ADAMTS3: variants seen among roughly 807,000 people sequenced by gnomAD.
ADAMTS3 encodes the protein ADAM metallopeptidase with thrombospondin type 1 motif 3.
In ADAMTS3, 73 loss-of-function variants were observed where a neutral mutation model predicts 129.0. That is an observed-to-expected ratio of 0.57 (90% CI 0.47 to 0.69). ADAMTS3 has a LOEUF of 0.69. Ranked by LOEUF, ADAMTS3 falls within the 30% of genes least tolerant of loss-of-function variation. The probability of loss-of-function intolerance (pLI) is 0.00; values close to 1 mark genes in which losing one functional copy is unlikely to be tolerated. For missense variants in ADAMTS3, 1,457 were observed against 1,514.5 expected, an observed-to-expected ratio of 0.96 and a Z score of 0.63; for synonymous variants, 477 against 510.8, an observed-to-expected ratio of 0.93 and a Z score of 0.89.
chr4:72,426,218 T>C (rs1341951067), intron 3 of ADAMTS3, among the ~76,000 whole-genome samples: 2 of 152,194 alleles, frequency 1.3e-5, no homozygotes, highest in East Asian at 1.9e-4. Context: ...GAGTTCATTG[T>C]AGATTCTGGA....
intron 3 of ADAMTS3, among the ~76,000 whole-genome samples, chr4:72,455,495 G>C (rs183084125): frequency 1.3e-4 from 19 of 151,060 alleles, no homozygotes; most frequent in African/African-American, 4.4e-4. Flanking sequence ...CTATGGGAGC[G>C]ATAGCATTAG....
chr4:72,403,783 A>T (rs1721984488), intron 4 of ADAMTS3, among the ~76,000 whole-genome samples: 1 of 151,890 alleles, frequency 6.6e-6, no homozygotes, highest in Non-Finnish European at 1.5e-5. Context: ...CCTTGAACAC[A>T]TAGGGTTTCT....
chr4:72,480,950 T>A (rs902399962), intron 3 of ADAMTS3, among the ~76,000 whole-genome samples: 1 of 152,058 alleles, frequency 6.6e-6, no homozygotes, highest in Non-Finnish European at 1.5e-5. Flanking sequence ...AATGCAGTAC[T>A]ATTTACAACC....
intron 3 of ADAMTS3, among the ~76,000 whole-genome samples, chr4:72,543,155 CTT>C (rs1362045832): frequency 1.3e-5 from 2 of 152,094 alleles, no homozygotes. Context: ...CTTGTACTAA[CTT>C]ATCACATGTC....
chr4:72,404,073 C>T (rs538010722), intron 4 of ADAMTS3, among the ~76,000 whole-genome samples: 287 of 152,150 alleles, frequency 1.9e-3, no homozygotes, highest in Non-Finnish European at 3.1e-3. Context: ...ATTGTTAAAA[C>T]GTCCATACTG....
At chr4:72,435,529 C>T (rs952417173) in intron 3 of ADAMTS3, among the ~76,000 whole-genome samples, 1 of 151,802 alleles carries the variant, frequency 6.6e-6, no homozygotes, top group African/African-American at 2.4e-5. Flanking sequence ...AATTCTGCAC[C>T]TTCTGCCTAC....
intron 3 of ADAMTS3, among the ~76,000 whole-genome samples, chr4:72,444,766 AT>A (rs1322204473): frequency 5.3e-5 from 8 of 151,790 alleles, no homozygotes; most frequent in African/African-American, 1.9e-4. Context: ...ATATGAGATA[AT>A]TCATAATTGC....
chr4:72,506,967 C>T (rs1720176341), intron 3 of ADAMTS3, among the ~76,000 whole-genome samples: 1 of 152,132 alleles, frequency 6.6e-6, no homozygotes, highest in Non-Finnish European at 1.5e-5. Context: ...AGCCTCTAAT[C>T]CACCTTCTTC....
At chr4:72,523,295 G>A (rs558449278) in intron 3 of ADAMTS3, among the ~76,000 whole-genome samples, 1 of 151,840 alleles carries the variant, frequency 6.6e-6, no homozygotes, top group African/African-American at 2.4e-5. Flanking sequence ...ATATCTCTTT[G>A]TTTATTTCTG....
chr4:72,483,517 T>C (rs1719494991), intron 3 of ADAMTS3, among the ~76,000 whole-genome samples: 1 of 152,096 alleles, frequency 6.6e-6, no homozygotes, highest in South Asian at 2.1e-4. Flanking sequence ...CAACAATGAG[T>C]TTCAGGAAGT....
chr4:72,552,731 C>A (rs1382512380), intron 2 of ADAMTS3, among the ~76,000 whole-genome samples: 1 of 152,130 alleles, frequency 6.6e-6, no homozygotes, highest in Non-Finnish European at 1.5e-5. Flanking sequence ...GCCAAAGGAT[C>A]TTTCTCTCAG....
chr4:72,305,079 C>T (rs575288624), intron 16 of ADAMTS3, among the ~76,000 whole-genome samples: 46 of 152,210 alleles, frequency 3.0e-4, no homozygotes, highest in Non-Finnish European at 6.3e-4. Flanking sequence ...TACAAATTTT[C>T]ATGGAGTTGA....
intron 3 of ADAMTS3, among the ~76,000 whole-genome samples, chr4:72,492,572 T>C (rs1719775384): frequency 1.3e-5 from 2 of 151,840 alleles, no homozygotes; most frequent in African/African-American, 4.8e-5. Flanking sequence ...TCAGAAAAAG[T>C]GATTTTTATT....
intron 3 of ADAMTS3, among the ~76,000 whole-genome samples, chr4:72,438,233 C>A (rs551389745): frequency 6.6e-5 from 10 of 151,780 alleles, no homozygotes; most frequent in Admixed American, 5.9e-4. Flanking sequence ...TTATAAATGT[C>A]TTTCCTGCTT....
intron 4 of ADAMTS3, among the ~76,000 whole-genome samples, chr4:72,412,908 G>C (rs1272087656): frequency 1.3e-5 from 2 of 151,978 alleles, no homozygotes; most frequent in Non-Finnish European, 1.5e-5. Flanking sequence ...AGTAAACTGA[G>C]TATGTTGATG....
At chr4:72,425,866 G>A (rs1300426457) in intron 3 of ADAMTS3, among the ~76,000 whole-genome samples, 4 of 151,728 alleles carry the variant, frequency 2.6e-5, no homozygotes, top group South Asian at 2.1e-4. Flanking sequence ...GGATGGCTGG[G>A]TCAAATGGTA....
intron 3 of ADAMTS3, among the ~76,000 whole-genome samples, chr4:72,534,065 C>T (rs6841916): frequency 0.34 from 52,046 of 151,956 alleles, 9,673 homozygotes; most frequent in South Asian, 0.55. Flanking sequence ...CAGGGGCTCA[C>T]GCCTGTAATC....
intron 3 of ADAMTS3, among the ~76,000 whole-genome samples, chr4:72,422,157 C>A (rs958496021): frequency 2.6e-5 from 4 of 152,032 alleles, no homozygotes; most frequent in Non-Finnish European, 5.9e-5. Flanking sequence ...TATAATGACA[C>A]CAGAAATTTA....
At chr4:72,532,289 G>A (rs1277253338) in intron 3 of ADAMTS3, among the ~76,000 whole-genome samples, 1 of 152,048 alleles carries the variant, frequency 6.6e-6, no homozygotes, top group Admixed American at 6.5e-5. Flanking sequence ...AGATCCTGAT[G>A]CCCACTAAGG....
Sources: gnomAD v4.1 joint callset for allele counts (sites outside exome capture counted in the v4.1 genomes callset) on GRCh38, gnomAD v4.1.1 for gene constraint, MANE v1.5 for transcripts, NCBI Gene and HGNC (gene_info 2026-07-23, HGNC 2026-07-21) for gene names.